Variants in ZNF766 observed in about 807,000 individuals in gnomAD.
The protein encoded by ZNF766 is zinc finger protein 766.
In ZNF766, 13 loss-of-function variants were observed where a neutral mutation model predicts 13.2. The ratio of observed to expected loss-of-function variants is 0.98; its 90% CI spans 0.64 to 1.56. ZNF766 has a LOEUF of 1.56. Ranked by LOEUF, ZNF766 falls within the 40% of genes most tolerant of loss-of-function variation. The pLI is 0.00. For synonymous variants in ZNF766, 178 were observed against 187.6 expected, an observed-to-expected ratio of 0.95 and a Z score of 0.42; for missense variants, 521 against 552.2, an observed-to-expected ratio of 0.94 and a Z score of 0.57.
In ZNF766 at chr19:52,290,581, G is replaced by C; in HGVS notation, c.790G>C (p.Val264Leu). Residue 264 changes from valine (V) to leucine (L), a missense_variant, in exon 4 of 4, where the codon GTG becomes CTG. Val to Leu is a conservative substitution (Grantham distance 32). Transcript: ENST00000439461. ...RIAYLARHEK[V>L]HTGESPYKCN... ...TGCATACCTTGCACGACACGAGAAA[G>C]TGCATACTGGAGAGAGTCCTTACAA... 6.2e-7 allele frequency: 1 copy of C among 1,613,948 alleles called. No individual in the cohort carries two copies.
chr19:52,280,110 A>G (rs1218517122), intron 1 of ZNF766, among the ~76,000 whole-genome samples: 2 of 152,084 alleles, frequency 1.3e-5, no homozygotes, highest in African/African-American at 2.4e-5. Context: ...TACTTTTTTT[A>G]AATAGCTTAA....
At position 52,286,455 on chromosome 19, in the gene ZNF766, T is replaced by C. The variant is rs550351842; in HGVS notation, c.274+3042T>C. Among the ~76,000 whole-genome samples, 379 of 152,100 alleles carry C rather than the reference T, an allele frequency of 2.5e-3. 1 individual carries two copies. Among genetic ancestry groups the C allele is most frequent in the Middle Eastern group, 0.01 (3 of 294 alleles). On this transcript the variant is annotated intron_variant, in intron 3 of 3. Transcript: ENST00000439461. ...CATGCCTGGCTGATTTTTGTATTTT[T>C]TGTAGAGGTGGAGTTTCGCTGTGTT... is the stretch of plus-strand genomic sequence containing the variant.
At position 52,293,173 on chromosome 19, in the gene ZNF766, CTTTTTTTT is replaced by C. The variant is rs71180433; in HGVS notation, c.*1986_*1993del. ...TCCTTTTTATGGCTGCATAGTATTC[CTTTTTTTT>C]TTTTTTTTTTGAGATGAAGTTTTGC... On this transcript the variant is annotated 3_prime_UTR_variant, in exon 4 of 4. Coordinates refer to ENST00000439461, the MANE Select transcript of ZNF766 (RefSeq NM_001010851.3). The C allele has an allele frequency of 4.6e-5, 6 of 130,360 alleles. No homozygotes were observed. The highest frequency in any genetic ancestry group is 3.2e-4 in the Admixed American group (4 of 12,572). The allele number at this position is 130,360 out of a possible 1,614,324, so 8.1% of individuals were successfully genotyped here. A position where few individuals can be genotyped will look rare whatever the true frequency, so the allele number is the denominator to read the frequency against.
At chr19:52,272,634 T>C (rs1981025036) in intron 1 of ZNF766, among the ~76,000 whole-genome samples, 1 of 151,974 alleles carries the variant, frequency 6.6e-6, no homozygotes, top group Admixed American at 6.6e-5. Context: ...ACCTGAGTAA[T>C]TTTTTTATTT....
At chr19:52,283,924 G>T (rs1192368132) in intron 3 of ZNF766, among the ~76,000 whole-genome samples, 1 of 152,136 alleles carries the variant, frequency 6.6e-6, no homozygotes, top group Non-Finnish European at 1.5e-5. Context: ...TTTTAGTACA[G>T]ACGAGGTTTC....
At chr19:52,276,020 C>G (rs1305154242) in intron 1 of ZNF766, among the ~76,000 whole-genome samples, 35 of 152,194 alleles carry the variant, frequency 2.3e-4, no homozygotes. Context: ...TTTTGACTTA[C>G]GAGTACTTAC....
chr19:52,273,973 C>T lies in ZNF766; in HGVS notation c.18+4342C>T, dbSNP rs1981083161. 2.0e-5 allele frequency among the ~76,000 whole-genome samples: 3 copies of T among 152,340 alleles called. No individual in the cohort carries two copies. In the South Asian group the frequency reaches 6.2e-4, roughly 32 times the overall value. On this transcript the variant is annotated intron_variant, in intron 1 of 3. Coordinates refer to ENST00000439461, the MANE Select transcript of ZNF766 (RefSeq NM_001010851.3). ...TGAAGTTGATTCTACAGTAGTTTCTCCTTATCTGCCAGTGTACTTTTTGAG... is the reference window on the plus strand; with the variant it reads ...TGAAGTTGATTCTACAGTAGTTTCTTCTTATCTGCCAGTGTACTTTTTGAG...
At chr19:52,283,548 C>A in intron 3 of ZNF766, 135 bp downstream of exon 3, 1 of 1,185,046 alleles carries the variant, frequency 8.4e-7, no homozygotes, top group Non-Finnish European at 1.1e-6. Flanking sequence ...AACAGTCCTC[C>A]TGCTTTGGCC....
At chr19:52,289,218 T>A (rs1981988005) in intron 3 of ZNF766, among the ~76,000 whole-genome samples, 2 of 148,178 alleles carry the variant, frequency 1.3e-5, no homozygotes, top group Admixed American at 1.4e-4. Context: ...TGGCACAGTC[T>A]CAGCTCACTG....
intron 1 of ZNF766, among the ~76,000 whole-genome samples, chr19:52,280,923 C>T (rs1289051244): frequency 6.6e-6 from 1 of 151,240 alleles, no homozygotes; most frequent in East Asian, 2.0e-4. Flanking sequence ...TTTGGGAGGC[C>T]TAGGCGGGTG....
intron 1 of ZNF766, among the ~76,000 whole-genome samples, chr19:52,273,832 G>A (rs1467180406): frequency 3.9e-5 from 6 of 152,194 alleles, no homozygotes; most frequent in Admixed American, 1.3e-4. Context: ...GGCTTGCCCC[G>A]TCTGAGTGGA....
Position 52,273,084 on chromosome 19 carries a change from C to G in ZNF766, c.18+3453C>G, listed in dbSNP as rs146650752. 1.2e-4 allele frequency among the ~76,000 whole-genome samples: 19 copies of G among 152,216 alleles called. No individual in the cohort carries two copies. The East Asian group carries it at 3.5e-3, about 28-fold the overall frequency. ...AGTGCAGTGGTGTGATCTTGGCTCA[C>G]CATAACCTCTGCCTCCCGGGTTCAA... is the stretch of plus-strand genomic sequence containing the variant. On this transcript the variant is annotated intron_variant, in intron 1 of 3. Coordinates refer to ENST00000439461, the MANE Select transcript of ZNF766 (RefSeq NM_001010851.3).
chr19:52,274,980 A>G (rs1981128679), intron 1 of ZNF766, among the ~76,000 whole-genome samples: 1 of 152,224 alleles, frequency 6.6e-6, no homozygotes. Flanking sequence ...GATTTTCATT[A>G]ATAGAAAGGA....
At position 52,290,907 on chromosome 19, in the gene ZNF766, T is replaced by TC; in HGVS notation, c.1117dup (p.His373ProfsTer6). ...TTAGGCACAAGTTCTCCCTGACAGT[T>TC]CATCAGAGAAATCATAATGGAGAGA... On this transcript the variant is annotated frameshift_variant, in exon 4 of 4. Transcript: ENST00000439461. LOFTEE classifies it low-confidence loss of function (END_TRUNC). 6.2e-7 allele frequency: 1 copy of TC among 1,613,948 alleles called. No homozygotes were observed. Among genetic ancestry groups the TC allele is most frequent in the Non-Finnish European group, 8.5e-7 (1 of 1,179,992 alleles).
At position 52,294,042 on chromosome 19, in the gene ZNF766, A is replaced by G. The variant is rs912789770; in HGVS notation, c.*2844A>G. On this transcript the variant is annotated 3_prime_UTR_variant, in exon 4 of 4. Transcript: ENST00000439461. ...ACTGTTGATAAACATGCACTGTATT[A>G]TGTTTCTGTGTGCCTTTTTCTTGTG... 4.6e-5 allele frequency: 7 copies of G among 152,168 alleles called. No individual in the cohort carries two copies. The highest frequency in any genetic ancestry group is 1.4e-4 in the African/African-American group (6 of 41,432). The allele number at this position is 152,168 out of a possible 1,614,324, so 9.4% of individuals were successfully genotyped here.
At chr19:52,289,371 C>G (rs926613968) in intron 3 of ZNF766, among the ~76,000 whole-genome samples, 1 of 151,476 alleles carries the variant, frequency 6.6e-6, no homozygotes, top group Admixed American at 6.6e-5. Flanking sequence ...AGGCTGGTCT[C>G]GAACTCCTGA....
chr19:52,294,262 A>ACAGATTG lies in ZNF766; in HGVS notation c.*3065_*3071dup, dbSNP rs1982266049. On this transcript the variant is annotated 3_prime_UTR_variant, in exon 4 of 4. Coordinates refer to ENST00000439461, the MANE Select transcript of ZNF766 (RefSeq NM_001010851.3). ...GAAATGTTCTCTTGAGGATGAACAC[A>ACAGATTG]CAGATTGGGAATTTCGTTTTGCTTT... The ACAGATTG allele has an allele frequency of 6.6e-6, 1 of 152,106 alleles. No homozygotes were observed. Among genetic ancestry groups the ACAGATTG allele is most frequent in the South Asian group, 2.1e-4 (1 of 4,826 alleles). The allele number at this position is 152,106 out of a possible 1,614,324, so 9.4% of individuals were successfully genotyped here. A position where few individuals can be genotyped will look rare whatever the true frequency, so the allele number is the denominator to read the frequency against.
chr19:52,290,227 GT>G lies in ZNF766; in HGVS notation c.439del (p.Ser147ArgfsTer61). ...AAAGTTCATCAGCCACAGTTCTTCA[GT>G]TTCGCCACTTCAAAGAATTTACTCT... ...VQKFISHSSS[V>X]SPLQRIYSGV... On this transcript the variant is annotated frameshift_variant, in exon 4 of 4. Transcript: ENST00000439461. LOFTEE classifies it low-confidence loss of function (END_TRUNC). 2 of 1,613,980 alleles carry G rather than the reference GT, an allele frequency of 1.2e-6. No individual in the cohort carries two copies. The highest frequency in any genetic ancestry group is 1.7e-6 in the Non-Finnish European group (2 of 1,179,898).
At chr19:52,270,456 G>A (rs1487149531) in intron 1 of ZNF766, among the ~76,000 whole-genome samples, 2 of 152,102 alleles carry the variant, frequency 1.3e-5, no homozygotes, top group Non-Finnish European at 2.9e-5. Flanking sequence ...ATGAAGGACA[G>A]CAAGGTAGGG....
Sources: gnomAD v4.1 joint callset for allele counts (sites outside exome capture counted in the v4.1 genomes callset) on GRCh38, gnomAD v4.1.1 for gene constraint, MANE v1.5 for transcripts, NCBI Gene and HGNC (gene_info 2026-07-23, HGNC 2026-07-21) for gene names.